Variants in CFH observed in about 807,000 individuals in gnomAD.
CFH encodes the protein H factor 1 (complement).
CFH carries 53 observed loss-of-function variants against 147.3 expected under a neutral mutation model. The ratio of observed to expected loss-of-function variants is 0.36; its 90% CI spans 0.29 to 0.45. The LOEUF (loss-of-function observed/expected upper bound fraction) is 0.45, where lower values mean the gene tolerates loss of function less well. Among genes scored for constraint, CFH ranks in the 20% least tolerant of loss-of-function variants. The pLI, the probability that CFH is intolerant of heterozygous loss-of-function variation, is 1.00. For synonymous variants in CFH, 536 were observed against 489.4 expected (o/e 1.10, Z -1.26); for missense variants, 1,380 against 1,498.0 (o/e 0.92, Z 1.30).
intron 3 of CFH, among the ~76,000 whole-genome samples, chr1:196,675,547 A>C (rs1319015916): frequency 1.3e-5 from 2 of 152,130 alleles, no homozygotes; most frequent in Non-Finnish European, 2.9e-5. Context: ...GTTGGTTACT[A>C]TGGTATTTTT....
At chr1:196,689,639 A>G in intron 8 of CFH, 25 bp downstream of exon 8, 1 of 1,610,048 alleles carries the variant, frequency 6.2e-7, no homozygotes, top group South Asian at 1.1e-5. Flanking sequence ...GAACTGCTAT[A>G]TATATGTATA....
At chr1:196,739,468 T>G in intron 17 of CFH, among the ~76,000 whole-genome samples, 1 of 152,224 alleles carries the variant, frequency 6.6e-6, no homozygotes, top group East Asian at 1.9e-4. Context: ...CACAGATCTC[T>G]AAGGCAGGGC....
chr1:196,737,562 C>T lies in CFH; in HGVS notation c.2684C>T (p.Thr895Ile). 6.2e-7 allele frequency: 1 copy of T among 1,613,204 alleles called. No homozygotes were observed. The highest frequency in any genetic ancestry group is 2.2e-5 in the East Asian group (1 of 44,740). The change falls in exon 17 of 22, where the codon ACT (threonine) becomes ATT (isoleucine). Residue 895 changes from threonine to isoleucine, a missense_variant. Physicochemically the swap from Thr to Ile is moderately conservative, Grantham distance 89 (BLOSUM62 -1). This residue lies in a region of CFH where 830 missense variants were observed against 821.4 expected (regional missense o/e 1.01). Transcript: ENST00000367429. ...RSSQESYAHG[T>I]KLSYTCEGGF... is the part of the protein sequence containing the mutation. ...TCACAAGAAAGTTATGCACATGGGA[C>T]TAAATTGAGTTATACTTGTGAGGGT... is the stretch of plus-strand genomic sequence containing the variant.
chr1:196,708,501 A>C (rs982169647), intron 9 of CFH, among the ~76,000 whole-genome samples: 15 of 152,172 alleles, frequency 9.9e-5, no homozygotes, highest in African/African-American at 3.6e-4. Context: ...AATAAAACTA[A>C]AAGTTTCTCC....
chr1:196,666,581 G>A (rs1025404452), intron 1 of CFH, among the ~76,000 whole-genome samples: 5 of 151,660 alleles, frequency 3.3e-5, no homozygotes, highest in Non-Finnish European at 5.9e-5. Flanking sequence ...TTGGGAGGCC[G>A]AGGTCAGGAG....
intron 10 of CFH, among the ~76,000 whole-genome samples, chr1:196,714,392 CTT>C (rs1668796336): frequency 6.6e-6 from 1 of 151,372 alleles, no homozygotes; most frequent in South Asian, 2.1e-4. Flanking sequence ...TATCTTCCCT[CTT>C]AGAAATTTTT....
At chr1:196,662,629 C>T (rs1020513564) in intron 1 of CFH, among the ~76,000 whole-genome samples, 2 of 152,098 alleles carry the variant, frequency 1.3e-5, no homozygotes, top group Admixed American at 1.3e-4. Context: ...CTCCTGCAAT[C>T]CCAGCATTTT....
chr1:196,706,455 A>G (rs911460628), intron 9 of CFH, among the ~76,000 whole-genome samples: 3 of 152,166 alleles, frequency 2.0e-5, no homozygotes, highest in African/African-American at 7.2e-5. Context: ...GAACAGAGAA[A>G]AAAATGCCCA....
chr1:196,700,901 G>A, intron 9 of CFH: 1 of 980,270 alleles, frequency 1.0e-6, no homozygotes, highest in Non-Finnish European at 1.2e-6. Flanking sequence ...AGTCTCAGGT[G>A]AGTTTTCTCA....
chr1:196,697,455 G>A (rs1668312370), intron 9 of CFH, among the ~76,000 whole-genome samples: 1 of 152,180 alleles, frequency 6.6e-6, no homozygotes, highest in Non-Finnish European at 1.5e-5. Context: ...ACCACAATGA[G>A]ATACCATCTC....
At chr1:196,663,129 G>GT (rs1322962997) in intron 1 of CFH, among the ~76,000 whole-genome samples, 1 of 152,004 alleles carries the variant, frequency 6.6e-6, no homozygotes, top group African/African-American at 2.4e-5. Flanking sequence ...ATATAGGTGT[G>GT]TTTTTTTACT....
At chr1:196,662,205 A>G (rs1436245933) in intron 1 of CFH, among the ~76,000 whole-genome samples, 1 of 152,238 alleles carries the variant, frequency 6.6e-6, no homozygotes, top group East Asian at 1.9e-4. Flanking sequence ...GTTTGACTCA[A>G]TAACTGGGAA....
intron 1 of CFH, among the ~76,000 whole-genome samples, chr1:196,667,942 C>T (rs1667152851): frequency 1.3e-5 from 2 of 152,088 alleles, no homozygotes; most frequent in Non-Finnish European, 2.9e-5. Context: ...ATGGGGAAAA[C>T]ATCACAACAC....
At chr1:196,683,481 G>A (rs1667723747) in intron 6 of CFH, among the ~76,000 whole-genome samples, 2 of 151,654 alleles carry the variant, frequency 1.3e-5, no homozygotes, top group South Asian at 2.1e-4. Context: ...TTATAAAATG[G>A]TATTTTAAGG....
intron 15 of CFH, among the ~76,000 whole-genome samples, chr1:196,729,177 A>G (rs1284200435): frequency 6.6e-6 from 1 of 152,048 alleles, no homozygotes; most frequent in Middle Eastern, 3.2e-3. Context: ...CCAGTCTAGG[A>G]TATACAGAAA....
intron 9 of CFH, among the ~76,000 whole-genome samples, chr1:196,691,312 G>T (rs1668015558): frequency 6.6e-6 from 1 of 152,002 alleles, no homozygotes; most frequent in Non-Finnish European, 1.5e-5. Context: ...TCTAGTATAT[G>T]TAAGTACAAA....
intron 9 of CFH, among the ~76,000 whole-genome samples, chr1:196,703,982 C>CAA (rs386369224): frequency 0.35 from 21,339 of 60,392 alleles, 4,724 homozygotes; most frequent in East Asian, 0.47. Context: ...AAGACTCTGT[C>CAA]AAAAAAAAAA....
intron 9 of CFH, 59 bp from the exon 10 acceptor site, chr1:196,713,676 A>G (rs1358347498): frequency 3.6e-6 from 4 of 1,106,002 alleles, no homozygotes; most frequent in African/African-American, 1.6e-5. Flanking sequence ...TATTACTTAA[A>G]TTCTTATAAA....
intron 1 of CFH, among the ~76,000 whole-genome samples, chr1:196,668,927 G>T (rs948796309): frequency 3.3e-5 from 5 of 152,204 alleles, no homozygotes; most frequent in African/African-American, 9.6e-5. Context: ...GTAATGGGCA[G>T]AGGTTGGAAC....
Sources: allele counts gnomAD v4.1 joint callset (sites outside exome capture counted in the v4.1 genomes callset), GRCh38; gene constraint gnomAD v4.1.1; regional missense constraint gnomAD v4.1.1; transcripts MANE v1.5; gene names NCBI Gene and HGNC (gene_info 2026-07-23, HGNC 2026-07-21).